The following MANEA variants were observed in gnomAD, a reference collection of about 807,000 sequenced individuals.
MANEA encodes the protein glycoprotein endo-alpha-1,2-mannosidase.
In MANEA, 25 loss-of-function variants were observed where a neutral mutation model predicts 36.8. The ratio of observed to expected loss-of-function variants is 0.68; its 90% CI spans 0.50 to 0.95. The LOEUF (loss-of-function observed/expected upper bound fraction) is 0.95. Ranked by LOEUF, MANEA falls within the 40% of genes least tolerant of loss-of-function variation. The pLI, the probability that MANEA is intolerant of heterozygous loss-of-function variation, is 0.00. For synonymous variants in MANEA, 198 were observed against 188.5 expected (o/e 1.05, Z -0.41); for missense variants, 565 against 558.8 (o/e 1.01, Z -0.11).
chr6:95,593,939 G>A (rs1473849674), intron 2 of MANEA, among the ~76,000 whole-genome samples: 1 of 152,040 alleles, frequency 6.6e-6, no homozygotes, highest in African/African-American at 2.4e-5. Context: ...CCAGAGGAGG[G>A]ATTCTATCTG....
At chr6:95,579,288 G>T (rs1033657273) in intron 1 of MANEA, among the ~76,000 whole-genome samples, 1 of 152,162 alleles carries the variant, frequency 6.6e-6, no homozygotes, top group Non-Finnish European at 1.5e-5. Flanking sequence ...CAGGAGAATC[G>T]CTTGAACCCG....
Position 95,606,256 on chromosome 6 carries a change from G to A in MANEA, c.1240G>A (p.Ala414Thr). ...GCATGAAGGAACTCAGATTGAAAAA[G>A]CTGTTCCCAAAAGAACCAGTAATAC... The part of the protein sequence containing the change: ...EWHEGTQIEK[A>T]VPKRTSNTVY... Residue 414 changes from alanine to threonine, a missense_variant, in exon 5 of 5, where the codon GCT becomes ACT. Transcript: ENST00000358812. The A allele has an allele frequency of 6.2e-7, 1 of 1,613,794 alleles. No homozygotes were observed. Among genetic ancestry groups the A allele is most frequent in the East Asian group, 2.2e-5 (1 of 44,850 alleles).
chr6:95,600,826 G>A (rs749347780), intron 3 of MANEA, among the ~76,000 whole-genome samples: 8 of 152,106 alleles, frequency 5.3e-5, no homozygotes, highest in Non-Finnish European at 8.8e-5. Flanking sequence ...GAATGAATCC[G>A]TCTCACAGTT....
chr6:95,581,032 A>G (rs1469666340), intron 1 of MANEA, among the ~76,000 whole-genome samples: 2 of 152,222 alleles, frequency 1.3e-5, no homozygotes, highest in Non-Finnish European at 2.9e-5. Context: ...AATATTAACT[A>G]ATTTCATCCT....
intron 2 of MANEA, among the ~76,000 whole-genome samples, chr6:95,594,360 C>T (rs113347566): frequency 1.4e-4 from 21 of 152,114 alleles, no homozygotes; most frequent in African/African-American, 4.3e-4. Flanking sequence ...ATGTTCAAAG[C>T]GCATGCATAT....
chr6:95,598,017 G>T (rs1231919160), intron 3 of MANEA, among the ~76,000 whole-genome samples: 1 of 149,692 alleles, frequency 6.7e-6, no homozygotes. Flanking sequence ...AAATTTATAT[G>T]GTAGTTTTAT....
intron 1 of MANEA, among the ~76,000 whole-genome samples, chr6:95,585,342 C>T (rs574122132): frequency 6.6e-6 from 1 of 152,274 alleles, no homozygotes; most frequent in East Asian, 1.9e-4. Flanking sequence ...CGTTTTCTTG[C>T]ACTGTCACCC....
intron 1 of MANEA, among the ~76,000 whole-genome samples, chr6:95,583,457 G>T (rs1769221220): frequency 6.6e-6 from 1 of 151,936 alleles, no homozygotes. Context: ...GTTTATGTAT[G>T]TACCTGCATG....
In MANEA at chr6:95,605,876, C is replaced by T. The variant is rs1769699209; in HGVS notation, c.860C>T (p.Ser287Phe). 6.2e-7 allele frequency: 1 copy of T among 1,614,004 alleles called. No homozygotes were observed. Residue 287 changes from serine (S) to phenylalanine (F), a missense_variant, in exon 5 of 5, where the codon TCT (serine) becomes TTT (phenylalanine). Coordinates refer to ENST00000358812, the MANE Select transcript of MANEA (RefSeq NM_024641.4). The part of the protein sequence containing the change: ...KWANLLTTSG[S>F]RSIRNSPYDG... ...GCCAATCTGTTAACCACCTCAGGGT[C>T]TCGGAGTATTCGCAATTCTCCTTAT...
rs367984719 is a variant in MANEA at position 95,595,998 on chromosome 6, T to G, written c.545-739T>G. On this transcript the variant is annotated intron_variant, in intron 2 of 4. Coordinates refer to ENST00000358812, the MANE Select transcript of MANEA (RefSeq NM_024641.4). ...GTATAAAATAAATACAATGGCATAT[T>G]ATGCAGCAGTAAAAAGAAATGAGCT... Among the ~76,000 whole-genome samples, 19 of 152,280 alleles carry G rather than the reference T, an allele frequency of 1.2e-4. No individual in the cohort carries two copies. In the South Asian group the frequency reaches 2.3e-3, roughly 18 times the overall value.
intron 1 of MANEA, among the ~76,000 whole-genome samples, chr6:95,577,944 G>GT (rs1456959034): frequency 6.6e-6 from 1 of 152,212 alleles, no homozygotes; most frequent in Non-Finnish European, 1.5e-5. Flanking sequence ...CTTTGAAACG[G>GT]TACCTCCTGT....
At chr6:95,604,924 T>C (rs759239385) in intron 4 of MANEA, 21 bp downstream of exon 4, 2 of 909,964 alleles carry the variant, frequency 2.2e-6, no homozygotes, top group Non-Finnish European at 3.2e-6. Context: ...TCAATATTTA[T>C]AAATATTGTT....
chr6:95,601,006 TTTAG>T (rs1425354024), intron 3 of MANEA, among the ~76,000 whole-genome samples: 1 of 152,268 alleles, frequency 6.6e-6, no homozygotes, highest in Non-Finnish European at 1.5e-5. Context: ...TGATTGGTGC[TTTAG>T]TTATTTTTCA....
intron 3 of MANEA, among the ~76,000 whole-genome samples, chr6:95,598,498 C>CTATATACTTCTATAT (rs1293698627): frequency 6.6e-6 from 1 of 152,114 alleles, no homozygotes; most frequent in Non-Finnish European, 1.5e-5. Context: ...TATGGGCCTC[C>CTATATACTTCTATAT]AGCTTCACTA....
chr6:95,584,144 G>A (rs571060388), intron 1 of MANEA, among the ~76,000 whole-genome samples: 53 of 152,226 alleles, frequency 3.5e-4, no homozygotes, highest in African/African-American at 1.2e-3. Flanking sequence ...TGTGTTAACT[G>A]TACAAATTGA....
intron 2 of MANEA, among the ~76,000 whole-genome samples, chr6:95,592,569 GT>G (rs535329467): frequency 1.8e-3 from 267 of 152,130 alleles, no homozygotes; most frequent in South Asian, 4.6e-3. Flanking sequence ...TAAAGCTTTA[GT>G]TTGAAAGAAT....
chr6:95,608,262 C>CAT lies in MANEA; in HGVS notation c.*1860_*1861dup, dbSNP rs1243895735. ...CACCTAATAATCTTTTATAATATAC[C>CAT]ATATTTCATTAAAGTTTTGTTAGAG... On this transcript the variant is annotated 3_prime_UTR_variant, in exon 5 of 5. Coordinates refer to ENST00000358812, the MANE Select transcript of MANEA (RefSeq NM_024641.4). 6.6e-6 allele frequency: 1 copy of CAT among 151,532 alleles called. No individual in the cohort carries two copies. The highest frequency in any genetic ancestry group is 2.4e-5 in the African/African-American group (1 of 41,280). 9.4% of individuals were successfully genotyped at this position (151,532 alleles called of 1,614,324 possible). A position where few individuals can be genotyped will look rare whatever the true frequency, so the allele number is the denominator to read the frequency against.
At position 95,592,649 on chromosome 6, in the gene MANEA, A is replaced by G. The variant is rs115299481; in HGVS notation, c.545-4088A>G. On this transcript the variant is annotated intron_variant, in intron 2 of 4. Transcript: ENST00000358812. ...TAACAAGTTTTCTGGGGCTCAAGGT[A>G]TCCAAATTTATCCATCATTATACTG... is the stretch of plus-strand genomic sequence containing the variant. 2.6e-3 allele frequency among the ~76,000 whole-genome samples: 395 copies of G among 152,298 alleles called. 3 individuals are homozygous for G. The highest frequency in any genetic ancestry group is 9.1e-3 in the African/African-American group (380 of 41,568).
chr6:95,585,377 A>G (rs58429283), intron 1 of MANEA, among the ~76,000 whole-genome samples: 7,475 of 152,250 alleles, frequency 0.049, 237 homozygotes, highest in Middle Eastern at 0.068. Context: ...TGGCACAATC[A>G]TGGCTCACTG....
Sources: gnomAD v4.1 joint callset for allele counts (sites outside exome capture counted in the v4.1 genomes callset) on GRCh38, gnomAD v4.1.1 for gene constraint, MANE v1.5 for transcripts, NCBI Gene and HGNC (gene_info 2026-07-23, HGNC 2026-07-21) for gene names.